Variants in KIAA0930 observed in about 807,000 individuals in gnomAD.
KIAA0930 encodes the protein KIAA0930.
Under a neutral mutation model 43.9 loss-of-function variants are expected in KIAA0930, and 24 were observed. The observed-to-expected ratio is 0.55, with a 90% CI of 0.40 to 0.77. The LOEUF is 0.77. Among genes scored for constraint, KIAA0930 ranks in the 30% least tolerant of loss-of-function variants. The pLI is 0.00. For missense variants in KIAA0930, 461 were observed against 574.2 expected (o/e 0.80, Z 2.02); for synonymous variants, 259 against 216.4 (o/e 1.20, Z -1.73).
chr22:45,212,323 A>G (rs780135246), intron 1 of KIAA0930: 14 of 1,612,384 alleles, frequency 8.7e-6, no homozygotes, highest in Non-Finnish European at 1.2e-5. Context: ...TCCTCCACTC[A>G]GCAGCAGCCT....
chr22:45,204,979 T>G (rs370641754), intron 5 of KIAA0930, among the ~76,000 whole-genome samples: 2 of 151,930 alleles, frequency 1.3e-5, no homozygotes, highest in South Asian at 4.2e-4. Context: ...TGACAGTAAG[T>G]AGGACAGATG....
chr22:45,214,092 A>G (rs969233637), intron 1 of KIAA0930, among the ~76,000 whole-genome samples: 1 of 152,124 alleles, frequency 6.6e-6, no homozygotes, highest in Non-Finnish European at 1.5e-5. Flanking sequence ...CAGGAGAATC[A>G]CTTGAGCCCG....
intron 5 of KIAA0930, 38 bp downstream of exon 5, chr22:45,205,179 A>G: frequency 6.7e-7 from 1 of 1,501,290 alleles, no homozygotes; most frequent in Non-Finnish European, 9.3e-7. Flanking sequence ...TCTCACGAGA[A>G]GGGGAAGCTA....
intron 7 of KIAA0930, chr22:45,201,020 C>T (rs377732583): frequency 1.9e-5 from 10 of 532,532 alleles, no homozygotes; most frequent in Non-Finnish European, 3.9e-5. Context: ...CCCTCCTCCC[C>T]ATGCCAACAA....
In KIAA0930 at chr22:45,201,787, A is replaced by G. The variant is rs375925020; in HGVS notation, c.852+1203T>C. On this transcript the variant is annotated intron_variant, in intron 7 of 9. Transcript: ENST00000336156. ...TATACAGAAGAGAAAGAAAACCAAC[A>G]TCTGACCACCCGGAGATATGCATGA... is the stretch of plus-strand genomic sequence containing the variant. 1.1e-4 allele frequency among the ~76,000 whole-genome samples: 17 copies of G among 152,306 alleles called. 1 individual carries two copies. The highest frequency in any genetic ancestry group is 3.8e-4 in the African/African-American group (16 of 41,568).
chr22:45,220,934 T>G (rs961146257), intron 1 of KIAA0930, among the ~76,000 whole-genome samples: 4 of 145,114 alleles, frequency 2.8e-5, no homozygotes, highest in African/African-American at 1.0e-4. Context: ...GTGCTAAGCG[T>G]CCCCATCCTG....
At chr22:45,208,225 C>T (rs1015848620) in intron 2 of KIAA0930, among the ~76,000 whole-genome samples, 19 of 152,016 alleles carry the variant, frequency 1.2e-4, no homozygotes, top group Admixed American at 1.2e-3. Flanking sequence ...TGTCAACAGG[C>T]ATGACTCACA....
At chr22:45,234,752 C>T (rs954176750) in intron 1 of KIAA0930, among the ~76,000 whole-genome samples, 1 of 152,242 alleles carries the variant, frequency 6.6e-6, no homozygotes, top group Non-Finnish European at 1.5e-5. Context: ...AAGTAAATCA[C>T]GGCATTGCCC....
chr22:45,206,389 T>G (rs2083638340), intron 2 of KIAA0930, among the ~76,000 whole-genome samples: 1 of 152,180 alleles, frequency 6.6e-6, no homozygotes, highest in Admixed American at 6.5e-5. Context: ...TTCTCCTCAC[T>G]AAGCCTCAGT....
At position 45,238,875 on chromosome 22, in the gene KIAA0930, GCT is replaced by G. The variant is rs141242172; in HGVS notation, c.64+1763_64+1764del. Among the ~76,000 whole-genome samples, 1,076 of 143,358 alleles carry G rather than the reference GCT, an allele frequency of 7.5e-3. 1 individual carries two copies. The highest frequency in any genetic ancestry group is 0.014 in the Middle Eastern group (4 of 284). 94.0% of individuals were successfully genotyped at this position (143,358 alleles called of 152,430 possible). The stretch of plus-strand genomic sequence containing the variant: ...TTCCTCATTGGTTGTCCCTGGGCAG[GCT>G]CTCTCTCTCTCTCTCTCTCTCTCTC... On this transcript the variant is annotated intron_variant, in intron 1 of 9. Transcript: ENST00000336156.
At chr22:45,205,128 T>A (rs2083624581) in intron 5 of KIAA0930, 89 bp downstream of exon 5, 2 of 1,056,542 alleles carry the variant, frequency 1.9e-6, no homozygotes, top group East Asian at 4.8e-5. Context: ...CCCATGCCTT[T>A]CTGCAAGGCT....
intron 1 of KIAA0930, among the ~76,000 whole-genome samples, chr22:45,228,695 C>T (rs991165294): frequency 4.7e-5 from 6 of 128,740 alleles, no homozygotes; most frequent in East Asian, 4.9e-4. Context: ...TCCCTCTCCA[C>T]CCCCCCAACC....
At chr22:45,206,701 A>ATTTATT (rs2083641144) in intron 2 of KIAA0930, among the ~76,000 whole-genome samples, 1 of 146,218 alleles carries the variant, frequency 6.8e-6, no homozygotes, top group South Asian at 2.1e-4. Flanking sequence ...CTGGCTTCCA[A>ATTTATT]TTTTTTTTTT....
intron 8 of KIAA0930, among the ~76,000 whole-genome samples, chr22:45,198,201 TTC>T (rs962117590): frequency 1.5e-4 from 23 of 152,204 alleles, no homozygotes; most frequent in African/African-American, 4.8e-4. Flanking sequence ...CATCTCTCTC[TTC>T]TCTGTCACAA....
rs1168909235 is a variant in KIAA0930, at chr22:45,205,925, G to T, written c.217-13C>A. 3 of 1,611,674 alleles carry T rather than the reference G, an allele frequency of 1.9e-6. No individual in the cohort carries two copies. The highest frequency in any genetic ancestry group is 2.5e-6 in the Non-Finnish European group (3 of 1,179,874). On this transcript the variant is annotated splice_polypyrimidine_tract_variant and intron_variant, in intron 2 of 9. Coordinates refer to ENST00000336156, the MANE Select transcript of KIAA0930 (RefSeq NM_001009880.2). The stretch of plus-strand genomic sequence containing the variant: ...CAGGCTCAGCTGCCTGCGAGGCCCA[G>T]AGCAGAAGTGAGTGCCCAGGGCCCA...
chr22:45,230,117 C>T (rs976599980), intron 1 of KIAA0930, among the ~76,000 whole-genome samples: 1 of 152,132 alleles, frequency 6.6e-6, no homozygotes, highest in Non-Finnish European at 1.5e-5. Flanking sequence ...TGGGACAATG[C>T]AGGTGGGGAG....
intron 9 of KIAA0930, among the ~76,000 whole-genome samples, chr22:45,197,457 G>A (rs533735472): frequency 6.6e-6 from 1 of 152,344 alleles, no homozygotes; most frequent in South Asian, 2.1e-4. Flanking sequence ...GGGGGCCAGA[G>A]CCACTGCCTG....
intron 7 of KIAA0930, among the ~76,000 whole-genome samples, chr22:45,202,147 G>GT (rs2083594545): frequency 6.6e-6 from 1 of 152,248 alleles, no homozygotes; most frequent in African/African-American, 2.4e-5. Flanking sequence ...GGGCAAGACT[G>GT]CCCCTGGACC....
intron 1 of KIAA0930, among the ~76,000 whole-genome samples, chr22:45,235,939 G>C (rs567935898): frequency 9.2e-5 from 14 of 152,232 alleles, no homozygotes; most frequent in Non-Finnish European, 1.8e-4. Context: ...GTGATGGCGG[G>C]TTGGGGGAGG....
Sources: allele counts gnomAD v4.1 joint callset (sites outside exome capture counted in the v4.1 genomes callset), GRCh38; gene constraint gnomAD v4.1.1; transcripts MANE v1.5; gene names NCBI Gene and HGNC (gene_info 2026-07-23, HGNC 2026-07-21).